Variants in KCNQ1 observed in about 807,000 individuals in gnomAD.
KCNQ1 encodes potassium voltage-gated channel subfamily Q member 1, also known as potassium voltage-gated channel subfamily KQT member 1.
KCNQ1 carries 49 observed loss-of-function variants against 72.4 expected under a neutral mutation model. That is an observed-to-expected ratio of 0.68 (90% CI 0.54 to 0.86). The LOEUF (loss-of-function observed/expected upper bound fraction) is 0.86. Among genes scored for constraint, KCNQ1 ranks in the 40% least tolerant of loss-of-function variants. KCNQ1 has a pLI of 0.00. For synonymous variants in KCNQ1, 450 were observed against 412.6 expected, an observed-to-expected ratio of 1.09 and a Z score of -1.10; for missense variants, 790 against 945.1, an observed-to-expected ratio of 0.84 and a Z score of 2.15.
At chr11:2,540,419 C>T (rs1199435408) in intron 2 of KCNQ1, among the ~76,000 whole-genome samples, 1 of 152,248 alleles carries the variant, frequency 6.6e-6, no homozygotes, top group Admixed American at 6.5e-5. Flanking sequence ...CCTCGGATCC[C>T]AGCCCCCTGT....
chr11:2,680,206 TAAAAAAA>T (rs139249507), intron 11 of KCNQ1: 2 of 361,560 alleles, frequency 5.5e-6, no homozygotes, highest in Non-Finnish European at 9.5e-6. Context: ...CTTGCCTAAT[TAAAAAAA>T]AAAAAAAAAA....
intron 10 of KCNQ1, chr11:2,637,543 G>A (rs546314064): frequency 2.6e-5 from 4 of 152,346 alleles, no homozygotes; most frequent in Non-Finnish European, 4.4e-5. Context: ...ACTGTGGTCT[G>A]AGAGACAGTT....
chr11:2,828,987 G>GA lies in KCNQ1; in HGVS notation c.1795-18774dup, dbSNP rs1323645017. ...GAGAAATGCCTTCAAACATCTGAGG[G>GA]AAAAAATGATTTCCCATCCAGAATT... is the stretch of plus-strand genomic sequence containing the variant. On this transcript the variant is annotated intron_variant, in intron 15 of 15. Coordinates refer to ENST00000155840, the MANE Select transcript of KCNQ1 (RefSeq NM_000218.3). The surrounding 1 kb of genome is among the most constrained non-coding windows in gnomAD (Gnocchi z 5.3). Among the ~76,000 whole-genome samples, 4 of 152,088 alleles carry GA rather than the reference G, an allele frequency of 2.6e-5. No homozygotes were observed. The highest frequency in any genetic ancestry group is 6.5e-5 in the Admixed American group (1 of 15,282).
chr11:2,705,698 A>G (rs997650749), intron 11 of KCNQ1, among the ~76,000 whole-genome samples: 5 of 152,206 alleles, frequency 3.3e-5, no homozygotes, highest in Admixed American at 6.5e-5. Flanking sequence ...CTTTGAGGAC[A>G]TTGCCACAGC....
At chr11:2,571,710 A>G (rs759028663) in intron 4 of KCNQ1, among the ~76,000 whole-genome samples, 4 of 152,112 alleles carry the variant, frequency 2.6e-5, no homozygotes, top group Non-Finnish European at 4.4e-5. Context: ...GCCCATCTGC[A>G]AACTGGGGTG....
At chr11:2,696,477 C>T (rs1018615733) in intron 11 of KCNQ1, 15 of 398,542 alleles carry the variant, frequency 3.8e-5, no homozygotes, top group East Asian at 7.1e-5. Flanking sequence ...CTGAAGTTGG[C>T]GTGTGCCCTG....
rs1164545955 is a variant in KCNQ1 at position 2,509,397 on chromosome 11, T to C, written c.387-18531T>C. Reference sequence around the variant, plus strand: ...CCCATCTTCCTGTCCAAAGCCAGACTTGGCTCCCTTTGCTCCAGTGAGTGG... The same window carrying C: ...CCCATCTTCCTGTCCAAAGCCAGACCTGGCTCCCTTTGCTCCAGTGAGTGG... On this transcript the variant is annotated intron_variant, in intron 1 of 15. Transcript: ENST00000155840. The surrounding 1 kb of genome is among the most constrained non-coding windows in gnomAD (Gnocchi z 6.3). Among the ~76,000 whole-genome samples the C allele has an allele frequency of 6.6e-6, 1 of 152,158 alleles. No homozygotes were observed. Among genetic ancestry groups the C allele is most frequent in the Non-Finnish European group, 1.5e-5 (1 of 68,020 alleles).
At chr11:2,755,467 G>A (rs1846284562) in intron 11 of KCNQ1, among the ~76,000 whole-genome samples, 1 of 152,152 alleles carries the variant, frequency 6.6e-6, no homozygotes, top group Non-Finnish European at 1.5e-5. Context: ...TGCCTAAACT[G>A]GTCTTGAACT....
rs546806395 is a variant in KCNQ1, at chr11:2,746,155, G to A, written c.1515-22689G>A. Among the ~76,000 whole-genome samples, 6 of 152,330 alleles carry A rather than the reference G, an allele frequency of 3.9e-5. No homozygotes were observed. The East Asian group carries it at 1.2e-3, about 29-fold the overall frequency. On this transcript the variant is annotated intron_variant, in intron 11 of 15. Transcript: ENST00000155840. This position sits in a 1 kb window ranked among gnomAD's most constrained non-coding sequence, Gnocchi z 5.9. Reference sequence around the variant, plus strand: ...TCCATCCGCCTCGGCCTCCCAAAGTGCTGGGATTATAGGCATGAGGCACCA... The same window carrying A: ...TCCATCCGCCTCGGCCTCCCAAAGTACTGGGATTATAGGCATGAGGCACCA...
intron 11 of KCNQ1, chr11:2,667,274 C>T: frequency 2.5e-6 from 1 of 398,648 alleles, no homozygotes; most frequent in Non-Finnish European, 4.4e-6. Flanking sequence ...TGGCCTAGGG[C>T]TGCTGCTATG....
Position 2,848,625 on chromosome 11 carries a change from C to T in KCNQ1, c.*622C>T, listed in dbSNP as rs1564917185. 2.2e-6 allele frequency: 1 copy of T among 452,456 alleles called. No individual in the cohort carries two copies. The highest frequency in any genetic ancestry group is 2.0e-5 in the African/African-American group (1 of 49,990). 28.0% of individuals were successfully genotyped at this position (452,456 alleles called of 1,614,324 possible). On this transcript the variant is annotated 3_prime_UTR_variant, in exon 16 of 16. Coordinates refer to ENST00000155840, the MANE Select transcript of KCNQ1 (RefSeq NM_000218.3). ...AGCAGGAGGGACAGTCTCACCATTT[C>T]CCCAGGGCACGTGGTTGAGTGGGGG...
chr11:2,574,973 G>T (rs1266458819), intron 6 of KCNQ1, among the ~76,000 whole-genome samples: 1 of 152,196 alleles, frequency 6.6e-6, no homozygotes, highest in Non-Finnish European at 1.5e-5. Context: ...GTGCTCGGGG[G>T]ATGGACGGCC....
rs1288512145 is a variant in KCNQ1 at position 2,484,246 on chromosome 11, C to G, written c.386+38762C>G. 6.6e-6 allele frequency among the ~76,000 whole-genome samples: 1 copy of G among 152,128 alleles called. No homozygotes were observed. The highest frequency in any genetic ancestry group is 2.4e-5 in the African/African-American group (1 of 41,404). On this transcript the variant is annotated intron_variant, in intron 1 of 15. Transcript: ENST00000155840. This position sits in a 1 kb window ranked among gnomAD's most constrained non-coding sequence, Gnocchi z 5.2. ...TGGCATGATCTCGGCTCACTGAAACCTCTGCCTCCGGGGTTCAAGTGATTC... is the reference window on the plus strand; with the variant it reads ...TGGCATGATCTCGGCTCACTGAAACGTCTGCCTCCGGGGTTCAAGTGATTC...
At position 2,608,261 on chromosome 11, in the gene KCNQ1, G is replaced by C; in HGVS notation, c.1393+19407G>C. The C allele has an allele frequency of 2.5e-6, 1 of 397,072 alleles. No individual in the cohort carries two copies. The highest frequency in any genetic ancestry group is 4.4e-6 in the Non-Finnish European group (1 of 225,592). 24.6% of individuals were successfully genotyped at this position (397,072 alleles called of 1,614,324 possible). Reference sequence around the variant, plus strand: ...CCTCTTGGGCTTTTCTTTTCAACTAGTGTTCTCATAACTAATTCAATCTCT... The same window carrying C: ...CCTCTTGGGCTTTTCTTTTCAACTACTGTTCTCATAACTAATTCAATCTCT... On this transcript the variant is annotated intron_variant, in intron 10 of 15. Transcript: ENST00000155840. The surrounding 1 kb of genome is among the most constrained non-coding windows in gnomAD (Gnocchi z 4.6).
intron 10 of KCNQ1, chr11:2,632,414 C>T (rs1013938151): frequency 3.0e-5 from 12 of 398,238 alleles, no homozygotes; most frequent in African/African-American, 2.5e-4. Flanking sequence ...AATATAATGG[C>T]TAAAATGCGC....
Position 2,769,981 on chromosome 11 carries a change from C to T in KCNQ1, c.1590+1062C>T, listed in dbSNP as rs770933083. ...ACTGAGCTCCCTGCTAGGGTCTGGT[C>T]AGGGCTTATGGGGGCCTTTGTCAAG... On this transcript the variant is annotated intron_variant, in intron 12 of 15. Transcript: ENST00000155840. This position sits in a 1 kb window ranked among gnomAD's most constrained non-coding sequence, Gnocchi z 4.6. 1.1e-4 allele frequency among the ~76,000 whole-genome samples: 17 copies of T among 152,100 alleles called. No individual in the cohort carries two copies. The highest frequency in any genetic ancestry group is 2.4e-4 in the Non-Finnish European group (16 of 68,006).
At position 2,764,114 on chromosome 11, in the gene KCNQ1, C is replaced by T. The variant is rs1448641441; in HGVS notation, c.1515-4730C>T. On this transcript the variant is annotated intron_variant, in intron 11 of 15. Coordinates refer to ENST00000155840, the MANE Select transcript of KCNQ1 (RefSeq NM_000218.3). The surrounding 1 kb of genome is among the most constrained non-coding windows in gnomAD (Gnocchi z 4.8). ...AACGATAACATCCTTGCCTTGCTTC[C>T]TGTCTCAGGAGGAAAGCGTATCACA... Among the ~76,000 whole-genome samples, 1 of 152,052 alleles carries T rather than the reference C, an allele frequency of 6.6e-6. No homozygotes were observed. Among genetic ancestry groups the T allele is most frequent in the African/African-American group, 2.4e-5 (1 of 41,392 alleles).
chr11:2,632,230 A>ACTTACTATCCT (rs1849370224), intron 10 of KCNQ1: 1 of 397,098 alleles, frequency 2.5e-6, no homozygotes, highest in African/African-American at 2.1e-5. Context: ...TTGTGTACTG[A>ACTTACTATCCT]CTTACTATCC....
At position 2,664,745 on chromosome 11, in the gene KCNQ1, G is replaced by A. The variant is rs190288910; in HGVS notation, c.1514+2664G>A. On this transcript the variant is annotated intron_variant, in intron 11 of 15. Coordinates refer to ENST00000155840, the MANE Select transcript of KCNQ1 (RefSeq NM_000218.3). This position sits in a 1 kb window ranked among gnomAD's most constrained non-coding sequence, Gnocchi z 5.1. ...CCTGGTGTGTGTGAGGGACAGGGAT[G>A]TGTGCTGGGGTCTCACAGGGGGCAG... 1.5e-5 allele frequency: 6 copies of A among 398,764 alleles called. No homozygotes were observed. Among genetic ancestry groups the A allele is most frequent in the Non-Finnish European group, 2.2e-5 (5 of 226,150 alleles). 24.7% of individuals were successfully genotyped at this position (398,764 alleles called of 1,614,324 possible). A position where few individuals can be genotyped will look rare whatever the true frequency, so the allele number is the denominator to read the frequency against.
Sources: gnomAD v4.1 joint callset for allele counts (sites outside exome capture counted in the v4.1 genomes callset) on GRCh38, gnomAD v4.1.1 for gene constraint, Gnocchi (gnomAD v3.1) non-coding constraint, MANE v1.5 for transcripts, NCBI Gene and HGNC (gene_info 2026-07-23, HGNC 2026-07-21) for gene names.